Variants in BICRAL observed in about 807,000 individuals in gnomAD.
BICRAL encodes the protein BICRA like chromatin remodeling complex associated protein.
A neutral mutation model predicts 91.8 loss-of-function variants in BICRAL; 8 were observed. That is an observed-to-expected ratio of 0.09 (90% CI 0.05 to 0.16). The LOEUF is 0.16. Ranked by LOEUF, BICRAL falls within the 10% of genes least tolerant of loss-of-function variation. The pLI, the probability that BICRAL is intolerant of heterozygous loss-of-function variation, is 1.00. For missense variants in BICRAL, 1,038 were observed against 1,310.9 expected, an observed-to-expected ratio of 0.79 and a Z score of 3.21; for synonymous variants, 445 against 491.1, an observed-to-expected ratio of 0.91 and a Z score of 1.24.
At chr6:42,760,264 A>G (rs1321675689) in intron 1 of BICRAL, among the ~76,000 whole-genome samples, 1 of 151,080 alleles carries the variant, frequency 6.6e-6, no homozygotes, top group African/African-American at 2.4e-5. Context: ...CCATCTCAAA[A>G]CAAAAAAAAA....
chr6:42,828,100 G>A (rs550945913), intron 5 of BICRAL, among the ~76,000 whole-genome samples: 5 of 152,126 alleles, frequency 3.3e-5, no homozygotes, highest in Non-Finnish European at 7.4e-5. Flanking sequence ...GAAGCAGACT[G>A]TCATGCTTTA....
At chr6:42,817,013 CAAAA>C (rs368409842) in intron 2 of BICRAL, among the ~76,000 whole-genome samples, 1 of 115,328 alleles carries the variant, frequency 8.7e-6, no homozygotes, top group Non-Finnish European at 1.8e-5. Flanking sequence ...GACTCCATCT[CAAAA>C]AAAAAAAAAA....
chr6:42,808,512 G>A (rs781682931), intron 1 of BICRAL, among the ~76,000 whole-genome samples: 22 of 152,084 alleles, frequency 1.4e-4, no homozygotes, highest in African/African-American at 2.2e-4. Flanking sequence ...TGATTTTCAC[G>A]GATTTCTGTT....
intron 1 of BICRAL, among the ~76,000 whole-genome samples, chr6:42,770,302 C>T (rs755821297): frequency 6.6e-6 from 1 of 152,236 alleles, no homozygotes; most frequent in Non-Finnish European, 1.5e-5. Flanking sequence ...GATCTCGGCT[C>T]ACTGCAACCT....
intron 1 of BICRAL, among the ~76,000 whole-genome samples, chr6:42,758,510 G>A (rs1270120080): frequency 1.3e-5 from 2 of 152,204 alleles, no homozygotes; most frequent in East Asian, 1.9e-4. Flanking sequence ...TGGTGCAGGT[G>A]TATTGGTGAA....
chr6:42,835,179 A>C lies in BICRAL; in HGVS notation c.1839+5007A>C, dbSNP rs180694152. Among the ~76,000 whole-genome samples the C allele has an allele frequency of 3.9e-3, 584 of 151,410 alleles. 2 individuals carry two copies. The highest frequency in any genetic ancestry group is 0.01 in the African/African-American group (431 of 41,246). On this transcript the variant is annotated intron_variant, in intron 6 of 12. Transcript: ENST00000314073. ...AGTCTCACTCTACTGCCCAGGCTGG[A>C]GTGCAATGGCACGATATCTGCTCAC...
At chr6:42,854,078 CG>C (rs1765273817) in intron 8 of BICRAL, among the ~76,000 whole-genome samples, 1 of 152,150 alleles carries the variant, frequency 6.6e-6, no homozygotes, top group African/African-American at 2.4e-5. Flanking sequence ...TATATCAAAG[CG>C]AATCTCTTCT....
intron 10 of BICRAL, among the ~76,000 whole-genome samples, chr6:42,858,520 A>T (rs1765455566): frequency 6.7e-6 from 1 of 149,818 alleles, no homozygotes; most frequent in South Asian, 2.1e-4. Flanking sequence ...TGTTTTAAAA[A>T]AAAAAAAAAA....
intron 9 of BICRAL, among the ~76,000 whole-genome samples, chr6:42,856,532 G>A (rs1011656418): frequency 1.1e-4 from 16 of 151,134 alleles, no homozygotes; most frequent in East Asian, 2.0e-4. Context: ...CCGCCATCAC[G>A]CCTGGCTAAT....
intron 1 of BICRAL, among the ~76,000 whole-genome samples, chr6:42,800,025 A>G (rs1437529976): frequency 1.3e-5 from 2 of 152,084 alleles, no homozygotes; most frequent in African/African-American, 2.4e-5. Context: ...AATTACAGGC[A>G]TGCACTACCA....
intron 1 of BICRAL, among the ~76,000 whole-genome samples, chr6:42,805,229 C>T (rs1239675872): frequency 2.0e-5 from 3 of 152,104 alleles, no homozygotes; most frequent in Non-Finnish European, 2.9e-5. Context: ...AAGAGCATTT[C>T]AAGTAAGGAA....
At chr6:42,766,929 A>G (rs146002624) in intron 1 of BICRAL, among the ~76,000 whole-genome samples, 1 of 151,876 alleles carries the variant, frequency 6.6e-6, no homozygotes, top group African/African-American at 2.4e-5. Context: ...AGTCCCAGCT[A>G]CTCGCGAGGC....
chr6:42,855,568 A>C (rs1315865586), intron 8 of BICRAL, among the ~76,000 whole-genome samples: 1 of 151,886 alleles, frequency 6.6e-6, no homozygotes, highest in Non-Finnish European at 1.5e-5. Context: ...GATGATGATG[A>C]TGATGGTGCA....
In BICRAL at chr6:42,866,797, C is replaced by T. The variant is rs1400548575; in HGVS notation, c.*1351C>T. On this transcript the variant is annotated 3_prime_UTR_variant, in exon 13 of 13. Transcript: ENST00000314073. ...GGGAGTATTCTCCGTTTTCCTTTCT[C>T]GTATACCTGCCCCAGGTTATCCCAT... 3.9e-5 allele frequency: 18 copies of T among 456,406 alleles called. No individual in the cohort carries two copies. The highest frequency in any genetic ancestry group is 3.1e-4 in the Admixed American group (13 of 42,558). The allele number at this position is 456,406 out of a possible 1,614,324, so 28.3% of individuals were successfully genotyped here.
At chr6:42,793,296 A>ATTTT (rs35332872) in intron 1 of BICRAL, among the ~76,000 whole-genome samples, 2 of 22,974 alleles carry the variant, frequency 8.7e-5, no homozygotes, top group Non-Finnish European at 1.4e-4. Flanking sequence ...GACCCAGCTA[A>ATTTT]TTTTTTTTTT....
chr6:42,845,698 A>G (rs201096796), intron 6 of BICRAL, among the ~76,000 whole-genome samples: 1 of 152,048 alleles, frequency 6.6e-6, no homozygotes, highest in Non-Finnish European at 1.5e-5. Flanking sequence ...CAAGCATTTA[A>G]CAGCCACTGG....
chr6:42,756,815 C>CT (rs1404533360), intron 1 of BICRAL, among the ~76,000 whole-genome samples: 6 of 151,820 alleles, frequency 4.0e-5, no homozygotes, highest in Non-Finnish European at 8.8e-5. Context: ...TGGCTGTGGG[C>CT]TGGGGCACCT....
At chr6:42,780,675 T>G (rs1762884425), upstream of BICRAL, among the ~76,000 whole-genome samples, 2 of 152,332 alleles carry the variant, frequency 1.3e-5, no homozygotes, top group South Asian at 4.1e-4. Flanking sequence ...TGTGGGCATT[T>G]GTAGTTAACC....
intron 1 of BICRAL, among the ~76,000 whole-genome samples, chr6:42,762,857 G>C (rs1432134404): frequency 6.6e-6 from 1 of 151,902 alleles, no homozygotes; most frequent in Non-Finnish European, 1.5e-5. Context: ...AGCCTGGGAG[G>C]TCGAGGCTGC....
Sources: allele counts gnomAD v4.1 joint callset (sites outside exome capture counted in the v4.1 genomes callset), GRCh38; gene constraint gnomAD v4.1.1; transcripts MANE v1.5; gene names NCBI Gene and HGNC (gene_info 2026-07-23, HGNC 2026-07-21).